ZRANB3: variants seen among roughly 807,000 people sequenced by gnomAD.
ZRANB3 encodes zinc finger RANBP2-type containing 3.
Under a neutral mutation model 133.8 loss-of-function variants are expected in ZRANB3, and 125 were observed. That is an observed-to-expected ratio of 0.93 (90% CI 0.81 to 1.08). The LOEUF (loss-of-function observed/expected upper bound fraction) is 1.08, where lower values mean the gene tolerates loss of function less well. Among genes scored for constraint, ZRANB3 ranks in the 50% least tolerant of loss-of-function variants. The pLI, the probability that ZRANB3 is intolerant of heterozygous loss-of-function variation, is 0.00. For missense variants in ZRANB3, 1,229 were observed against 1,275.5 expected, an observed-to-expected ratio of 0.96 and a Z score of 0.56; for synonymous variants, 387 against 432.7, an observed-to-expected ratio of 0.89 and a Z score of 1.31.
chr2:135,250,934 C>T (rs528942756), intron 12 of ZRANB3, among the ~76,000 whole-genome samples: 116 of 152,316 alleles, frequency 7.6e-4, no homozygotes, highest in African/African-American at 2.6e-3. Context: ...ACCTGTCCTC[C>T]AGACCCCAGA....
chr2:135,462,685 C>G (rs1329402304), intron 2 of ZRANB3, among the ~76,000 whole-genome samples: 1 of 151,802 alleles, frequency 6.6e-6, no homozygotes, highest in African/African-American at 2.4e-5. Flanking sequence ...CTCTGCCTCC[C>G]AGGTTCAAGA....
chr2:135,451,117 T>G (rs1690248325), intron 2 of ZRANB3, among the ~76,000 whole-genome samples: 1 of 152,224 alleles, frequency 6.6e-6, no homozygotes, highest in African/African-American at 2.4e-5. Context: ...GCTTTAGTCC[T>G]ATTTGACGAA....
chr2:135,232,955 C>A (rs182733988), intron 12 of ZRANB3, among the ~76,000 whole-genome samples: 1 of 152,256 alleles, frequency 6.6e-6, no homozygotes, highest in East Asian at 1.9e-4. Flanking sequence ...ATGACTTTGA[C>A]AAGGTGAGAG....
intron 1 of ZRANB3, among the ~76,000 whole-genome samples, chr2:135,528,432 G>A (rs1248951064): frequency 6.6e-6 from 1 of 152,158 alleles, no homozygotes; most frequent in Non-Finnish European, 1.5e-5. Context: ...ACAGGTATGA[G>A]CCACCAGGTC....
intron 8 of ZRANB3, among the ~76,000 whole-genome samples, chr2:135,312,488 G>A (rs1683043796): frequency 6.6e-6 from 1 of 152,004 alleles, no homozygotes; most frequent in South Asian, 2.1e-4. Flanking sequence ...GTATTTACAG[G>A]TTCTACCATG....
chr2:135,320,970 T>C (rs1010799154), intron 6 of ZRANB3, among the ~76,000 whole-genome samples: 1 of 152,258 alleles, frequency 6.6e-6, no homozygotes, highest in African/African-American at 2.4e-5. Context: ...TTATTGGGTA[T>C]ATTAATAGTT....
chr2:135,417,510 G>A (rs1273338229), intron 2 of ZRANB3, among the ~76,000 whole-genome samples: 1 of 152,178 alleles, frequency 6.6e-6, no homozygotes. Flanking sequence ...TACACTGTTG[G>A]TGGGACTGTA....
At chr2:135,431,100 C>T (rs1383057821) in intron 2 of ZRANB3, among the ~76,000 whole-genome samples, 1 of 150,136 alleles carries the variant, frequency 6.7e-6, no homozygotes, top group Non-Finnish European at 1.5e-5. Flanking sequence ...TGATGTGAGA[C>T]TCTATCCCTA....
intron 8 of ZRANB3, among the ~76,000 whole-genome samples, chr2:135,302,745 C>T (rs373486224): frequency 1.7e-4 from 26 of 152,178 alleles, no homozygotes; most frequent in African/African-American, 3.1e-4. Flanking sequence ...AGGCTGGTCT[C>T]GAACTCCTGA....
intron 8 of ZRANB3, among the ~76,000 whole-genome samples, chr2:135,292,374 T>G (rs1681792526): frequency 6.6e-6 from 1 of 152,204 alleles, no homozygotes; most frequent in Non-Finnish European, 1.5e-5. Flanking sequence ...TCATGTGTCT[T>G]TTGGCTGCAT....
At chr2:135,306,866 A>G (rs1558904312) in intron 8 of ZRANB3, among the ~76,000 whole-genome samples, 1 of 152,026 alleles carries the variant, frequency 6.6e-6, no homozygotes, top group Non-Finnish European at 1.5e-5. Flanking sequence ...CTGGCGTTAC[A>G]GGCATCAGCC....
intron 12 of ZRANB3, among the ~76,000 whole-genome samples, chr2:135,244,511 C>T (rs149554781): frequency 1.9e-4 from 29 of 151,922 alleles, no homozygotes; most frequent in Non-Finnish European, 3.7e-4. Flanking sequence ...GGGAGGCTGA[C>T]GCACGAGAAT....
chr2:135,311,634 C>T (rs1682981749), intron 8 of ZRANB3, among the ~76,000 whole-genome samples: 1 of 151,822 alleles, frequency 6.6e-6, no homozygotes, highest in Admixed American at 6.6e-5. Context: ...CCTATAACCC[C>T]AGCGCTTTGG....
intron 1 of ZRANB3, chr2:135,510,766 A>G: frequency 1.2e-6 from 1 of 805,200 alleles, no homozygotes; most frequent in Admixed American, 1.7e-5. Context: ...GTTGCGAAGG[A>G]CCTTCTGAAC....
At chr2:135,345,415 C>G in intron 6 of ZRANB3, 135 bp downstream of exon 6, 1 of 598,736 alleles carries the variant, frequency 1.7e-6, no homozygotes, top group Middle Eastern at 4.6e-4. Flanking sequence ...TTGTAGTGAG[C>G]CATGATGGTG....
chr2:135,202,700 T>C lies in ZRANB3; in HGVS notation c.3141+132A>G. ...GAGAGGAAAGGCAAGTGTTGGGTGA[T>C]GAAAGGAGTAAAATGTGCCTCGAAT... On this transcript the variant is annotated intron_variant, in intron 20 of 20. Coordinates refer to ENST00000264159, the MANE Select transcript of ZRANB3 (RefSeq NM_032143.4). 7 of 1,128,666 alleles carry C rather than the reference T, an allele frequency of 6.2e-6. No individual in the cohort carries two copies. The South Asian group carries it at 8.9e-5, about 14-fold the overall frequency. 69.9% of individuals were successfully genotyped at this position (1,128,666 alleles called of 1,614,324 possible). A position where few individuals can be genotyped will look rare whatever the true frequency, so the allele number is the denominator to read the frequency against.
chr2:135,323,022 T>A lies in ZRANB3; in HGVS notation c.678-7492A>T, dbSNP rs1293299464. Among the ~76,000 whole-genome samples the A allele has an allele frequency of 4.3e-4, 42 of 97,062 alleles. No individual in the cohort carries two copies. The South Asian group carries it at 0.012, about 28-fold the overall frequency. The allele number at this position is 97,062 out of a possible 152,430, so 63.7% of individuals were successfully genotyped here. Reference sequence around the variant, plus strand: ...ACAAACTCTGTCTCAAAAAAAAAAATTTTTTTTTTTTTAGTCTCCCTGTCC... The same window carrying A: ...ACAAACTCTGTCTCAAAAAAAAAAAATTTTTTTTTTTTAGTCTCCCTGTCC... On this transcript the variant is annotated intron_variant, in intron 6 of 20. Coordinates refer to ENST00000264159, the MANE Select transcript of ZRANB3 (RefSeq NM_032143.4).
chr2:135,511,811 A>G (rs1401339427), intron 1 of ZRANB3: 1 of 761,024 alleles, frequency 1.3e-6, no homozygotes, highest in Non-Finnish European at 2.5e-6. Context: ...TTTGAATCCA[A>G]TCCCCCATGG....
At position 135,326,747 on chromosome 2, in the gene ZRANB3, A is replaced by T. The variant is rs916841716; in HGVS notation, c.678-11217T>A. On this transcript the variant is annotated intron_variant, in intron 6 of 20. Coordinates refer to ENST00000264159, the MANE Select transcript of ZRANB3 (RefSeq NM_032143.4). Reference sequence around the variant, plus strand: ...AAACCCCATCTCTAATAAAATACAAAAAATTAGCCAGGCGTGGTGGTGCAC... The same window carrying T: ...AAACCCCATCTCTAATAAAATACAATAAATTAGCCAGGCGTGGTGGTGCAC... Among the ~76,000 whole-genome samples, 21 of 152,036 alleles carry T rather than the reference A, an allele frequency of 1.4e-4. No individual in the cohort carries two copies. The East Asian group carries it at 3.7e-3, about 27-fold the overall frequency.
Sources: allele counts gnomAD v4.1 joint callset (sites outside exome capture counted in the v4.1 genomes callset), GRCh38; gene constraint gnomAD v4.1.1; transcripts MANE v1.5; gene names NCBI Gene and HGNC (gene_info 2026-07-23, HGNC 2026-07-21).